Variants in CADM1 observed in about 807,000 individuals in gnomAD.
The protein encoded by CADM1 is cell adhesion molecule 1.
In CADM1, 15 loss-of-function variants were observed where a neutral mutation model predicts 53.1. That is an observed-to-expected ratio of 0.28 (90% CI 0.19 to 0.44). CADM1 has a LOEUF of 0.44. CADM1 is among the 20% of genes least tolerant of loss of function. The pLI is 1.00. For synonymous variants in CADM1, 281 were observed against 243.0 expected, an observed-to-expected ratio of 1.16 and a Z score of -1.45; for missense variants, 434 against 611.3, an observed-to-expected ratio of 0.71 and a Z score of 3.06.
intron 1 of CADM1, among the ~76,000 whole-genome samples, chr11:115,372,817 G>C (rs937989570): frequency 6.6e-6 from 1 of 152,094 alleles, no homozygotes; most frequent in South Asian, 2.1e-4. Context: ...GCAGAAACAA[G>C]AACAAGGAAA....
chr11:115,284,524 CAG>C (rs200098145), intron 1 of CADM1, among the ~76,000 whole-genome samples: 1,489 of 148,050 alleles, frequency 0.01, 23 homozygotes, highest in African/African-American at 0.031. Flanking sequence ...AAAAAAAAAA[CAG>C]AAAGGAAAAA....
intron 1 of CADM1, among the ~76,000 whole-genome samples, chr11:115,248,481 C>A (rs574896518): frequency 1.2e-4 from 18 of 152,098 alleles, no homozygotes; most frequent in African/African-American, 4.1e-4. Flanking sequence ...CGGAGTGACA[C>A]CCATCCACTA....
chr11:115,228,584 G>A lies in CADM1; in HGVS notation c.721+529C>T, dbSNP rs142301023. ...AAACATATTCAGTCTACAGGGCATG[G>A]TAAGGAGAAAACCTCACTCACTACA... On this transcript the variant is annotated intron_variant, in intron 5 of 11. Coordinates refer to ENST00000331581, the MANE Select transcript of CADM1 (RefSeq NM_001301043.2). Among the ~76,000 whole-genome samples the A allele has an allele frequency of 7.8e-4, 119 of 152,278 alleles. 1 individual carries two copies. Among genetic ancestry groups the A allele is most frequent in the African/African-American group, 2.7e-3 (112 of 41,566 alleles).
chr11:115,270,206 T>A (rs2135044779), intron 1 of CADM1, among the ~76,000 whole-genome samples: 1 of 152,324 alleles, frequency 6.6e-6, no homozygotes. Context: ...AGATTTCATA[T>A]CAGACACTTT....
At position 115,170,198 on chromosome 11, in the gene CADM1, G is replaced by T. The variant is rs66634540; in HGVS notation, c.*6276C>A. The T allele has an allele frequency of 6.5e-6, 1 of 153,256 alleles. No homozygotes were observed. The highest frequency in any genetic ancestry group is 1.9e-4 in the East Asian group (1 of 5,172). The allele number at this position is 153,256 out of a possible 1,614,324, so 9.5% of individuals were successfully genotyped here. On this transcript the variant is annotated 3_prime_UTR_variant, in exon 12 of 12. Transcript: ENST00000331581. The stretch of plus-strand genomic sequence containing the variant: ...ACGTCTGGAGGGCAGCTGAAGTCCC[G>T]GGCCCAGAGAACCGGTTGATTTGCC...
intron 1 of CADM1, among the ~76,000 whole-genome samples, chr11:115,244,361 A>T (rs1056407998): frequency 2.0e-5 from 3 of 152,236 alleles, no homozygotes; most frequent in African/African-American, 7.2e-5. Context: ...CATTTCAGTG[A>T]CATTACATAA....
At chr11:115,218,169 T>A (rs375430998) in intron 5 of CADM1, 178 bp from the exon 6 acceptor site, 3 of 636,410 alleles carry the variant, frequency 4.7e-6, no homozygotes, top group South Asian at 3.3e-5. Flanking sequence ...AATTGACTAA[T>A]AACTCTAAGG....
intron 9 of CADM1, among the ~76,000 whole-genome samples, chr11:115,195,767 T>A (rs960079972): frequency 6.6e-6 from 1 of 152,150 alleles, no homozygotes; most frequent in African/African-American, 2.4e-5. Context: ...GACCTGGAAG[T>A]TTTTCCCCGA....
At chr11:115,398,302 T>C (rs936102651) in intron 1 of CADM1, among the ~76,000 whole-genome samples, 1 of 152,230 alleles carries the variant, frequency 6.6e-6, no homozygotes, top group East Asian at 1.9e-4. Flanking sequence ...TTTTAATCTC[T>C]GAATGTGCAA....
chr11:115,334,481 C>T lies in CADM1; in HGVS notation c.125-94061G>A, dbSNP rs145924584. Among the ~76,000 whole-genome samples the T allele has an allele frequency of 4.2e-3, 636 of 150,980 alleles. 5 individuals are homozygous for T. The highest frequency in any genetic ancestry group is 0.014 in the African/African-American group (585 of 40,712). On this transcript the variant is annotated intron_variant, in intron 1 of 11. Coordinates refer to ENST00000331581, the MANE Select transcript of CADM1 (RefSeq NM_001301043.2). ...ACAGTACTCATCAATTGATGAGTAC[C>T]CCATCAGGTGATGGAGAGACCACAT...
At chr11:115,305,804 A>T (rs1309891296) in intron 1 of CADM1, among the ~76,000 whole-genome samples, 1 of 150,784 alleles carries the variant, frequency 6.6e-6, no homozygotes, top group East Asian at 2.0e-4. Flanking sequence ...GAAACAGACC[A>T]GCCAGTCATT....
intron 1 of CADM1, among the ~76,000 whole-genome samples, chr11:115,416,035 C>T (rs974988646): frequency 7.9e-5 from 12 of 152,094 alleles, no homozygotes; most frequent in Non-Finnish European, 1.5e-4. Context: ...GAAAACACCA[C>T]AAGGCTTGTG....
intron 1 of CADM1, among the ~76,000 whole-genome samples, chr11:115,357,625 T>A (rs946761386): frequency 6.6e-6 from 1 of 152,134 alleles, no homozygotes; most frequent in South Asian, 2.1e-4. Context: ...AAAATGGGGA[T>A]AACAAAATTG....
chr11:115,500,126 C>T (rs1023074586), intron 1 of CADM1, among the ~76,000 whole-genome samples: 2 of 152,082 alleles, frequency 1.3e-5, no homozygotes, highest in African/African-American at 2.4e-5. Context: ...TTAAAAATGC[C>T]CAGCATAATG....
intron 1 of CADM1, among the ~76,000 whole-genome samples, chr11:115,254,517 C>T (rs1169138589): frequency 6.0e-5 from 9 of 150,808 alleles, no homozygotes; most frequent in Non-Finnish European, 1.2e-4. Flanking sequence ...AACAGCCCTA[C>T]TTTAAGAAGT....
At chr11:115,231,303 A>C (rs774683876) in intron 4 of CADM1, 50 bp downstream of exon 4, 17 of 1,601,952 alleles carry the variant, frequency 1.1e-5, no homozygotes, top group Non-Finnish European at 1.1e-5. Context: ...ACAAAGGCAT[A>C]TCTGCTAGAA....
chr11:115,420,195 T>C (rs769335268), intron 1 of CADM1, among the ~76,000 whole-genome samples: 12 of 152,136 alleles, frequency 7.9e-5, no homozygotes, highest in Non-Finnish European at 1.5e-4. Context: ...ACCAATGACT[T>C]AGAATTTAGA....
chr11:115,302,576 T>G (rs1944257562), intron 1 of CADM1, among the ~76,000 whole-genome samples: 1 of 152,118 alleles, frequency 6.6e-6, no homozygotes, highest in African/African-American at 2.4e-5. Flanking sequence ...AAGTTTGTAC[T>G]TTGTTGTTAT....
At chr11:115,275,215 T>C (rs1943411219) in intron 1 of CADM1, among the ~76,000 whole-genome samples, 1 of 152,162 alleles carries the variant, frequency 6.6e-6, no homozygotes, top group Non-Finnish European at 1.5e-5. Context: ...CTCCTCTCGC[T>C]CACGTCCTCT....
Sources: gnomAD v4.1 joint callset for allele counts (sites outside exome capture counted in the v4.1 genomes callset) on GRCh38, gnomAD v4.1.1 for gene constraint, MANE v1.5 for transcripts, NCBI Gene and HGNC (gene_info 2026-07-23, HGNC 2026-07-21) for gene names.